Variants in ROBO2 observed in about 807,000 individuals in gnomAD.
The protein encoded by ROBO2 is roundabout guidance receptor 2, also known as roundabout homolog 2.
In ROBO2, 53 loss-of-function variants were observed where a neutral mutation model predicts 160.8. The observed-to-expected ratio is 0.33, with a 90% confidence interval of 0.26 to 0.41. The LOEUF (loss-of-function observed/expected upper bound fraction) is 0.41, where lower values mean the gene tolerates loss of function less well. Among genes scored for constraint, ROBO2 ranks in the 10% least tolerant of loss-of-function variants. ROBO2 has a pLI of 1.00. For synonymous variants in ROBO2, 664 were observed against 611.7 expected (o/e 1.09, Z -1.26); for missense variants, 1,577 against 1,722.4 (o/e 0.92, Z 1.49).
At chr3:77,067,535 T>G (rs1001724231) in intron 1 of ROBO2, among the ~76,000 whole-genome samples, 1 of 152,150 alleles carries the variant, frequency 6.6e-6, no homozygotes, top group Non-Finnish European at 1.5e-5. Flanking sequence ...CATAACAGAC[T>G]GAAAAGATAG....
chr3:77,107,142 C>T (rs1013790806), intron 2 of ROBO2, among the ~76,000 whole-genome samples: 1 of 152,178 alleles, frequency 6.6e-6, no homozygotes, highest in Non-Finnish European at 1.5e-5. Context: ...AGACGGCATC[C>T]TCACAAGGTG....
At chr3:76,374,978 C>T (rs1282171041) in intron 2 of ROBO2, among the ~76,000 whole-genome samples, 2 of 149,838 alleles carry the variant, frequency 1.3e-5, no homozygotes, top group East Asian at 2.0e-4. Context: ...AGCACTGTAG[C>T]ATAAAGTATT....
intron 2 of ROBO2, among the ~76,000 whole-genome samples, chr3:76,240,265 A>G (rs1328380315): frequency 6.6e-6 from 1 of 151,838 alleles, no homozygotes; most frequent in Non-Finnish European, 1.5e-5. Flanking sequence ...ATTTGTCCTA[A>G]TGCTCTCCCT....
chr3:77,402,283 T>G lies in ROBO2; in HGVS notation c.389-75131T>G, dbSNP rs371435209. 9.9e-5 allele frequency among the ~76,000 whole-genome samples: 15 copies of G among 151,784 alleles called. No homozygotes were observed. The East Asian group carries it at 2.1e-3, about 22-fold the overall frequency. The stretch of plus-strand genomic sequence containing the variant: ...GGGGAACATCACACACCGGGGCCTG[T>G]CTGGAGTGGGGTCTAGGGGAGGGAT... On this transcript the variant is annotated intron_variant, in intron 2 of 25. Coordinates refer to ENST00000461745, the Ensembl canonical transcript of ROBO2.
intron 2 of ROBO2, among the ~76,000 whole-genome samples, chr3:76,418,239 G>T (rs994325565): frequency 6.6e-6 from 1 of 151,788 alleles, no homozygotes; most frequent in Non-Finnish European, 1.5e-5. Context: ...AATAGAGAGA[G>T]AGAGAGAGAG....
At chr3:76,719,112 A>G (rs1328436922) in intron 2 of ROBO2, among the ~76,000 whole-genome samples, 1 of 152,172 alleles carries the variant, frequency 6.6e-6, no homozygotes, top group African/African-American at 2.4e-5. Context: ...TAGAGATAGA[A>G]AATTGAAGAA....
At chr3:76,029,990 A>G (rs968870331) in intron 2 of ROBO2, among the ~76,000 whole-genome samples, 1 of 152,118 alleles carries the variant, frequency 6.6e-6, no homozygotes, top group Non-Finnish European at 1.5e-5. Context: ...CAACAGTGTA[A>G]AAGTGTTCCT....
chr3:77,368,890 A>G (rs889954427), intron 2 of ROBO2, among the ~76,000 whole-genome samples: 3 of 152,192 alleles, frequency 2.0e-5, no homozygotes, highest in African/African-American at 7.2e-5. Context: ...CATGCATAGT[A>G]TAACCTTTAG....
intron 22 of ROBO2, among the ~76,000 whole-genome samples, chr3:77,619,740 G>A (rs938624689): frequency 1.3e-5 from 2 of 152,162 alleles, no homozygotes; most frequent in African/African-American, 4.8e-5. Context: ...TTTTGGAGTA[G>A]CCTAAGGCCT....
At chr3:76,147,180 G>A (rs1282756601) in intron 2 of ROBO2, among the ~76,000 whole-genome samples, 1 of 151,652 alleles carries the variant, frequency 6.6e-6, no homozygotes, top group Non-Finnish European at 1.5e-5. Flanking sequence ...TAAAAATTGA[G>A]TAGAAAATAA....
intron 2 of ROBO2, among the ~76,000 whole-genome samples, chr3:77,180,053 A>G (rs1379789162): frequency 6.6e-6 from 1 of 152,008 alleles, no homozygotes; most frequent in Non-Finnish European, 1.5e-5. Flanking sequence ...ACTGCCAGCA[A>G]TGCTTTAATT....
intron 2 of ROBO2, among the ~76,000 whole-genome samples, chr3:76,543,741 C>T (rs561026924): frequency 1.3e-5 from 2 of 152,092 alleles, no homozygotes; most frequent in South Asian, 4.1e-4. Context: ...TAATCACCAG[C>T]GTCATTATTA....
At chr3:76,388,519 C>T (rs1421265252) in intron 2 of ROBO2, among the ~76,000 whole-genome samples, 4 of 152,114 alleles carry the variant, frequency 2.6e-5, no homozygotes, top group Admixed American at 2.6e-4. Flanking sequence ...GATCCGCCCA[C>T]CTCAGCCTCT....
intron 2 of ROBO2, among the ~76,000 whole-genome samples, chr3:76,228,488 A>C (rs1048992768): frequency 1.8e-4 from 28 of 152,180 alleles, no homozygotes; most frequent in Admixed American, 6.5e-5. Context: ...TGGAAAGAAA[A>C]CCCATAGTAT....
chr3:77,021,953 C>T (rs2062663968), intron 2 of ROBO2, among the ~76,000 whole-genome samples: 1 of 152,144 alleles, frequency 6.6e-6, no homozygotes, highest in Non-Finnish European at 1.5e-5. Flanking sequence ...TTAAAAACTA[C>T]CCAGAGGCCG....
At chr3:77,461,892 A>C (rs1021968924) in intron 2 of ROBO2, among the ~76,000 whole-genome samples, 2 of 151,782 alleles carry the variant, frequency 1.3e-5, no homozygotes, top group Non-Finnish European at 2.9e-5. Flanking sequence ...CACCCAGCTA[A>C]TTTTTGTATT....
chr3:77,587,307 G>A (rs1393757599), intron 16 of ROBO2, among the ~76,000 whole-genome samples: 1 of 152,028 alleles, frequency 6.6e-6, no homozygotes, highest in African/African-American at 2.4e-5. Context: ...GTTACCACTG[G>A]CTAATGCTCA....
At chr3:75,949,187 A>C (rs62267168) in intron 2 of ROBO2, among the ~76,000 whole-genome samples, 2 of 151,670 alleles carry the variant, frequency 1.3e-5, no homozygotes, top group African/African-American at 4.9e-5. Context: ...ACAACACACT[A>C]TCTTTAGCTA....
intron 2 of ROBO2, among the ~76,000 whole-genome samples, chr3:76,235,127 C>G (rs1321546566): frequency 1.3e-5 from 2 of 152,106 alleles, no homozygotes; most frequent in Non-Finnish European, 2.9e-5. Flanking sequence ...ATTGAGTCCT[C>G]CCTCACAGTA....
Sources: gnomAD v4.1 joint callset for allele counts (sites outside exome capture counted in the v4.1 genomes callset) on GRCh38, gnomAD v4.1.1 for gene constraint, MANE v1.5 for transcripts, NCBI Gene and HGNC (gene_info 2026-07-23, HGNC 2026-07-21) for gene names.